The following CHEK2 variants were observed in gnomAD, a reference collection of about 807,000 sequenced individuals.
CHEK2 encodes the protein checkpoint kinase 2.
In CHEK2, 71 loss-of-function variants were observed where a neutral mutation model predicts 69.1. That is an observed-to-expected ratio of 1.03 (90% CI 0.85 to 1.25). The LOEUF (loss-of-function observed/expected upper bound fraction) is 1.25, where lower values mean the gene tolerates loss of function less well. CHEK2 is among the 50% of genes most tolerant of loss of function. The pLI is 0.00. For synonymous variants in CHEK2, 189 were observed against 226.9 expected (o/e 0.83, Z 1.50); for missense variants, 664 against 649.6 (o/e 1.02, Z -0.24).
At chr22:28,700,173 A>C (rs1016163808) in intron 8 of CHEK2, among the ~76,000 whole-genome samples, 4 of 151,454 alleles carry the variant, frequency 2.6e-5, no homozygotes, top group African/African-American at 4.9e-5. Context: ...ACTTTAAAAA[A>C]TCCAATTCAG....
rs113795955 is a variant in CHEK2 at position 28,706,298 on chromosome 22, TCACACACACACA to T, written c.847-2744_847-2733del. On this transcript the variant is annotated intron_variant, in intron 7 of 14. Coordinates refer to ENST00000404276, the MANE Select transcript of CHEK2 (RefSeq NM_007194.4). Reference sequence around the variant, plus strand: ...CCTGGCAACAGAGCAACACTCCAGCTCACACACACACACACACACACACACACACACAAAGGG... The same window carrying T: ...CCTGGCAACAGAGCAACACTCCAGCTCACACACACACACACACACAAAGGG... 6.8e-5 allele frequency among the ~76,000 whole-genome samples: 10 copies of T among 147,974 alleles called. No individual in the cohort carries two copies. The South Asian group carries it at 1.5e-3, about 22-fold the overall frequency.
intron 9 of CHEK2, among the ~76,000 whole-genome samples, chr22:28,699,362 C>CTTTTTTTTTTTTTT (rs67508991): frequency 1.3e-5 from 1 of 78,042 alleles, no homozygotes; most frequent in African/African-American, 4.6e-5. Flanking sequence ...AGAGCTTTTT[C>CTTTTTTTTTTTTTT]TTTTTTTTTT....
chr22:28,732,882 C>T (rs1409876940), intron 2 of CHEK2, among the ~76,000 whole-genome samples: 1 of 152,056 alleles, frequency 6.6e-6, no homozygotes, highest in East Asian at 1.9e-4. Context: ...ACCTCTGCCT[C>T]CCAGGTTCAA....
At chr22:28,695,404 C>T (rs2052533795) in intron 11 of CHEK2, among the ~76,000 whole-genome samples, 162 bp from the exon 12 acceptor site, 1 of 152,182 alleles carries the variant, frequency 6.6e-6, no homozygotes, top group Non-Finnish European at 1.5e-5. Flanking sequence ...GGCTTGTAAT[C>T]CCAGCACTTT....
intron 4 of CHEK2, among the ~76,000 whole-genome samples, chr22:28,720,626 T>C (rs1001900231): frequency 2.0e-5 from 3 of 152,142 alleles, no homozygotes; most frequent in Admixed American, 6.5e-5. Flanking sequence ...CTCCCTAGAA[T>C]AACCTAAGGA....
intron 10 of CHEK2, among the ~76,000 whole-genome samples, chr22:28,696,299 T>C (rs184670231): frequency 6.6e-6 from 1 of 152,308 alleles, no homozygotes; most frequent in African/African-American, 2.4e-5. Flanking sequence ...CTGGGTGTCA[T>C]AAATCCTAAC....
At chr22:28,721,874 G>C (rs2053799171) in intron 4 of CHEK2, among the ~76,000 whole-genome samples, 1 of 151,802 alleles carries the variant, frequency 6.6e-6, no homozygotes, top group South Asian at 2.1e-4. Flanking sequence ...GGGACTACAG[G>C]AACACAGCAG....
rs113795955 is a variant in CHEK2, at chr22:28,706,298, T to TCACA, written c.847-2736_847-2733dup. ...CCTGGCAACAGAGCAACACTCCAGCTCACACACACACACACACACACACAC... is the reference window on the plus strand; with the variant it reads ...CCTGGCAACAGAGCAACACTCCAGCTCACACACACACACACACACACACACACAC... On this transcript the variant is annotated intron_variant, in intron 7 of 14. Transcript: ENST00000404276. 1.9e-3 allele frequency among the ~76,000 whole-genome samples: 282 copies of TCACA among 147,966 alleles called. 1 individual carries two copies. The highest frequency in any genetic ancestry group is 0.011 in the East Asian group (57 of 4,988).
chr22:28,712,613 G>A (rs1377028111), intron 5 of CHEK2, among the ~76,000 whole-genome samples: 1 of 152,146 alleles, frequency 6.6e-6, no homozygotes, highest in Admixed American at 6.6e-5. Flanking sequence ...ACTCATGGAG[G>A]AGGAATGCTC....
chr22:28,695,936 T>G, intron 10 of CHEK2, 63 bp from the exon 11 acceptor site: 2 of 1,346,468 alleles, frequency 1.5e-6, no homozygotes, highest in Non-Finnish European at 2.1e-6. Context: ...ATTAACATAG[T>G]CTGCCAGTCC....
At chr22:28,722,794 G>A (rs1056049107) in intron 4 of CHEK2, among the ~76,000 whole-genome samples, 2 of 152,104 alleles carry the variant, frequency 1.3e-5, no homozygotes, top group Non-Finnish European at 1.5e-5. Context: ...ATAGCTCACT[G>A]TAGCCTTAAA....
rs1569112074 is a variant in CHEK2, at chr22:28,695,189, T to A, written c.1313A>T (p.Asp438Val). Residue 438 changes from aspartate (D) to valine (V), a missense_variant, in exon 12 of 15, where the codon GAT becomes GTT. Coordinates refer to ENST00000404276, the MANE Select transcript of CHEK2 (RefSeq NM_007194.4). ...SEHRTQVSLK[D>V]QITSGKYNFI... ...GTTGTATTTTCCACTGGTGATCTGA[T>A]CCTTCAGTGACACTTGAGTCCTATG... 6.2e-7 allele frequency: 1 copy of A among 1,613,582 alleles called. No individual in the cohort carries two copies. Among genetic ancestry groups the A allele is most frequent in the Non-Finnish European group, 8.5e-7 (1 of 1,179,548 alleles).
intron 13 of CHEK2, among the ~76,000 whole-genome samples, chr22:28,690,850 G>C (rs967248786): frequency 1.4e-5 from 2 of 142,464 alleles, no homozygotes; most frequent in African/African-American, 5.3e-5. Flanking sequence ...AAAGAAGGGA[G>C]GGGAAAGGAA....
chr22:28,710,270 T>C (rs536733979), intron 6 of CHEK2, among the ~76,000 whole-genome samples: 1 of 152,244 alleles, frequency 6.6e-6, no homozygotes, highest in Non-Finnish European at 1.5e-5. Flanking sequence ...ACTCAATAAA[T>C]GGCCAGGCCC....
chr22:28,735,331 G>A (rs150102320), intron 1 of CHEK2, among the ~76,000 whole-genome samples: 1 of 151,576 alleles, frequency 6.6e-6, no homozygotes, highest in African/African-American at 2.4e-5. Flanking sequence ...GCTTGAGCCC[G>A]GGAGGCAGAG....
rs995987601 is a variant in CHEK2, at chr22:28,719,607, C to T, written c.593-122G>A. ...GTTTTTAACTACATTTAACATGTAA[C>T]CTTAAGGAAATTAGTATGTATGTAA... On this transcript the variant is annotated intron_variant, in intron 4 of 14. Coordinates refer to ENST00000404276, the MANE Select transcript of CHEK2 (RefSeq NM_007194.4). 4.7e-6 allele frequency: 3 copies of T among 636,342 alleles called. No homozygotes were observed. In the African/African-American group the frequency reaches 5.5e-5, roughly 12 times the overall value. The allele number at this position is 636,342 out of a possible 1,614,324, so 39.4% of individuals were successfully genotyped here. A position where few individuals can be genotyped will look rare whatever the true frequency, so the allele number is the denominator to read the frequency against.
At chr22:28,740,945 C>A (rs569716474) in intron 1 of CHEK2, among the ~76,000 whole-genome samples, 2 of 152,144 alleles carry the variant, frequency 1.3e-5, no homozygotes, top group Non-Finnish European at 2.9e-5. Context: ...CACCTGAGGT[C>A]AGGAGTTCGG....
intron 10 of CHEK2, 84 bp downstream of exon 10, chr22:28,696,817 C>A: frequency 1.1e-6 from 1 of 872,790 alleles, no homozygotes; most frequent in South Asian, 1.4e-5. Flanking sequence ...ATCCTTTTTA[C>A]GCTCCCACTT....
chr22:28,741,241 G>A (rs1367684016), intron 1 of CHEK2, among the ~76,000 whole-genome samples: 5 of 149,802 alleles, frequency 3.3e-5, no homozygotes, highest in Non-Finnish European at 7.4e-5. Context: ...AAATTCCAGA[G>A]GTCTTTCAAG....
Sources: allele counts gnomAD v4.1 joint callset (sites outside exome capture counted in the v4.1 genomes callset), GRCh38; gene constraint gnomAD v4.1.1; transcripts MANE v1.5; gene names NCBI Gene and HGNC (gene_info 2026-07-23, HGNC 2026-07-21).